Variants in CRACDL observed in about 807,000 individuals in gnomAD.
CRACDL encodes CRACD like.
Under a neutral mutation model 70.6 loss-of-function variants are expected in CRACDL, and 26 were observed. That is an observed-to-expected ratio of 0.37 (90% CI 0.27 to 0.51). The LOEUF (loss-of-function observed/expected upper bound fraction) is 0.51. Among genes scored for constraint, CRACDL ranks in the 20% least tolerant of loss-of-function variants. The pLI is 0.94. For synonymous variants in CRACDL, 618 were observed against 615.2 expected (o/e 1.00, Z -0.07); for missense variants, 1,283 against 1,376.9 (o/e 0.93, Z 1.08).
intron 1 of CRACDL, among the ~76,000 whole-genome samples, chr2:98,869,815 T>C (rs1439388684): frequency 6.6e-6 from 1 of 152,228 alleles, no homozygotes; most frequent in African/African-American, 2.4e-5. Context: ...AGGCCCATCG[T>C]GTTACCTCAG....
chr2:98,811,122 C>A (rs79952821), intron 7 of CRACDL, among the ~76,000 whole-genome samples: 2 of 152,080 alleles, frequency 1.3e-5, no homozygotes, highest in African/African-American at 4.8e-5. Context: ...AAGGGAAACA[C>A]GATGAATCTG....
At chr2:98,821,020 T>C (rs1389233153) in intron 7 of CRACDL, among the ~76,000 whole-genome samples, 1 of 152,244 alleles carries the variant, frequency 6.6e-6, no homozygotes, top group Non-Finnish European at 1.5e-5. Context: ...TGGACTTTGC[T>C]GAGTTTCTTA....
chr2:98,870,990 G>C lies in CRACDL; in HGVS notation c.-10-24180C>G, dbSNP rs368251080. 1.4e-3 allele frequency among the ~76,000 whole-genome samples: 209 copies of C among 152,376 alleles called. 1 individual carries two copies. The highest frequency in any genetic ancestry group is 4.8e-3 in the African/African-American group (200 of 41,594). ...GCCCAGGGACCGCGAGATTCGCGAA[G>C]AGCAGGGGTAGCAAGACACCTGCAG... On this transcript the variant is annotated intron_variant, in intron 1 of 9. Transcript: ENST00000397899.
At chr2:98,899,075 C>G (rs892937301) in intron 1 of CRACDL, among the ~76,000 whole-genome samples, 1 of 152,096 alleles carries the variant, frequency 6.6e-6, no homozygotes, top group African/African-American at 2.4e-5. Flanking sequence ...CAAACAGGGA[C>G]CTGAATATAA....
At chr2:98,880,732 T>C (rs183164283) in intron 1 of CRACDL, among the ~76,000 whole-genome samples, 303 of 152,240 alleles carry the variant, frequency 2.0e-3, no homozygotes, top group African/African-American at 7.0e-3. Flanking sequence ...GGCAAGGCAC[T>C]GGAGCCAAAC....
At chr2:98,809,465 A>G (rs1323450810) in intron 7 of CRACDL, among the ~76,000 whole-genome samples, 2 of 152,010 alleles carry the variant, frequency 1.3e-5, no homozygotes, top group African/African-American at 4.8e-5. Context: ...GCAGTCCTTC[A>G]TGTCTCCCAA....
At position 98,795,077 on chromosome 2, in the gene CRACDL, A is replaced by ATTTTTTTTTTTTTTTTT. The variant is rs1181969802; in HGVS notation, c.2750-407_2750-406insAAAAAAAAAAAAAAAAA. ...TATATATATATATATATATATATAT[A>ATTTTTTTTTTTTTTTTT]TTTTTTTTTTTTTTTGAGACAGAAG... On this transcript the variant is annotated intron_variant, in intron 9 of 9. Coordinates refer to ENST00000397899, the MANE Select transcript of CRACDL (RefSeq NM_207362.3). Among the ~76,000 whole-genome samples the ATTTTTTTTTTTTTTTTT allele has an allele frequency of 7.0e-4, 41 of 58,482 alleles. 6 individuals carry two copies. Among genetic ancestry groups the ATTTTTTTTTTTTTTTTT allele is most frequent in the Non-Finnish European group, 9.7e-4 (31 of 32,062 alleles). 38.4% of individuals were successfully genotyped at this position (58,482 alleles called of 152,430 possible). A position where few individuals can be genotyped will look rare whatever the true frequency, so the allele number is the denominator to read the frequency against.
chr2:98,815,583 G>T (rs551578180), intron 7 of CRACDL, among the ~76,000 whole-genome samples: 18 of 152,152 alleles, frequency 1.2e-4, no homozygotes, highest in Admixed American at 2.0e-4. Flanking sequence ...GTGCTAATAC[G>T]GGGGTATAGC....
intron 1 of CRACDL, among the ~76,000 whole-genome samples, chr2:98,858,964 C>T (rs1345262002): frequency 6.6e-6 from 1 of 152,172 alleles, no homozygotes; most frequent in Non-Finnish European, 1.5e-5. Flanking sequence ...TTTGAATAGA[C>T]TTATAATAAG....
intron 3 of CRACDL, among the ~76,000 whole-genome samples, chr2:98,833,542 G>A (rs1705640525): frequency 6.6e-6 from 1 of 152,200 alleles, no homozygotes; most frequent in Admixed American, 6.5e-5. Context: ...CTCTTTTTAT[G>A]ACCTGGCACC....
intron 5 of CRACDL, among the ~76,000 whole-genome samples, chr2:98,827,793 C>T (rs534254257): frequency 6.6e-6 from 1 of 152,248 alleles, no homozygotes; most frequent in South Asian, 2.1e-4. Context: ...CTTTCTCTCT[C>T]AAAACACACC....
At chr2:98,872,597 A>C (rs1041892396) in intron 1 of CRACDL, among the ~76,000 whole-genome samples, 2 of 152,206 alleles carry the variant, frequency 1.3e-5, no homozygotes, top group Admixed American at 6.5e-5. Flanking sequence ...CAGAGTAAAA[A>C]AATTAAAACT....
intron 3 of CRACDL, among the ~76,000 whole-genome samples, chr2:98,836,723 T>C (rs1462096614): frequency 2.0e-5 from 3 of 152,078 alleles, no homozygotes; most frequent in African/African-American, 7.2e-5. Context: ...AGTGATGACA[T>C]TGAATAATTA....
intron 1 of CRACDL, among the ~76,000 whole-genome samples, chr2:98,867,212 C>A (rs1178469014): frequency 2.0e-5 from 3 of 152,136 alleles, no homozygotes; most frequent in Non-Finnish European, 4.4e-5. Context: ...TAAATAGTAT[C>A]TTATATAAAC....
At chr2:98,930,385 TC>T (rs1266214910) in intron 1 of CRACDL, among the ~76,000 whole-genome samples, 1 of 14,040 alleles carries the variant, frequency 7.1e-5, no homozygotes, top group Non-Finnish European at 1.3e-4. Flanking sequence ...CTGTACCGTG[TC>T]CCCTACCCCA....
chr2:98,902,728 T>G (rs1708312093), intron 1 of CRACDL, among the ~76,000 whole-genome samples: 1 of 152,178 alleles, frequency 6.6e-6, no homozygotes, highest in South Asian at 2.1e-4. Flanking sequence ...CTCTCAGAAC[T>G]TGCCACGGCC....
At chr2:98,904,581 G>T (rs766108872) in intron 1 of CRACDL, among the ~76,000 whole-genome samples, 8 of 152,180 alleles carry the variant, frequency 5.3e-5, no homozygotes, top group Non-Finnish European at 1.2e-4. Flanking sequence ...AGCCTTCCAG[G>T]TGACAATGGA....
intron 1 of CRACDL, among the ~76,000 whole-genome samples, chr2:98,875,340 C>A (rs1707457705): frequency 6.6e-6 from 1 of 152,262 alleles, no homozygotes; most frequent in South Asian, 2.1e-4. Context: ...GGCCTCCTAA[C>A]TGCCACTTCC....
chr2:98,804,526 C>T (rs1483191995), intron 7 of CRACDL, among the ~76,000 whole-genome samples: 1 of 152,216 alleles, frequency 6.6e-6, no homozygotes, highest in Admixed American at 6.5e-5. Context: ...TTAGCTCTTA[C>T]ACCGTATACA....
Sources: gnomAD v4.1 joint callset for allele counts (sites outside exome capture counted in the v4.1 genomes callset) on GRCh38, gnomAD v4.1.1 for gene constraint, MANE v1.5 for transcripts, NCBI Gene and HGNC (gene_info 2026-07-23, HGNC 2026-07-21) for gene names.